The following KCNK10 variants were observed in gnomAD, a reference collection of about 807,000 sequenced individuals.
KCNK10 encodes potassium two pore domain channel subfamily K member 10, also known as potassium channel subfamily K member 10.
Under a neutral mutation model 47.7 loss-of-function variants are expected in KCNK10, and 25 were observed. The observed-to-expected ratio is 0.52, with a 90% CI of 0.38 to 0.73. KCNK10 has a LOEUF of 0.73. KCNK10 is among the 30% of genes least tolerant of loss of function. The pLI, the probability that KCNK10 is intolerant of heterozygous loss-of-function variation, is 0.00. For synonymous variants in KCNK10, 303 were observed against 285.6 expected, an observed-to-expected ratio of 1.06 and a Z score of -0.61; for missense variants, 563 against 714.5, an observed-to-expected ratio of 0.79 and a Z score of 2.42.
At chr14:88,235,186 C>T (rs917376430) in intron 3 of KCNK10, 1 of 456,536 alleles carries the variant, frequency 2.2e-6, no homozygotes, top group Non-Finnish European at 4.4e-6. Context: ...GATGTGCTGT[C>T]TGGAAGGTGG....
chr14:88,197,408 C>T (rs1374050576), intron 4 of KCNK10, among the ~76,000 whole-genome samples: 1 of 151,404 alleles, frequency 6.6e-6, no homozygotes, highest in East Asian at 1.9e-4. Flanking sequence ...CCCAACTCTA[C>T]TAAAAAATAC....
intron 2 of KCNK10, among the ~76,000 whole-genome samples, chr14:88,258,735 C>A (rs1399619705): frequency 1.3e-5 from 2 of 152,144 alleles, no homozygotes; most frequent in Admixed American, 6.5e-5. Flanking sequence ...TAACAGCAAC[C>A]CATCTTTCTT....
At chr14:88,293,019 A>G (rs995209440) in intron 1 of KCNK10, among the ~76,000 whole-genome samples, 3 of 152,046 alleles carry the variant, frequency 2.0e-5, no homozygotes, top group African/African-American at 7.2e-5. Context: ...TTTTATTTCT[A>G]TTTTACTTGA....
At chr14:88,257,390 G>A (rs1886987072) in intron 2 of KCNK10, among the ~76,000 whole-genome samples, 1 of 152,156 alleles carries the variant, frequency 6.6e-6, no homozygotes, top group Admixed American at 6.5e-5. Context: ...CTCAGTTCAA[G>A]CCATTCTGAT....
upstream of KCNK10, among the ~76,000 whole-genome samples, chr14:88,326,245 G>A (rs186645419): frequency 1.7e-3 from 235 of 136,310 alleles, 1 homozygote; most frequent in Non-Finnish European, 2.0e-3. Flanking sequence ...TTCCCAAAAC[G>A]TGTCTGAAAT....
chr14:88,192,473 A>T, intron 4 of KCNK10, 63 bp from the exon 5 acceptor site: 4 of 1,418,992 alleles, frequency 2.8e-6, no homozygotes, highest in Non-Finnish European at 3.9e-6. Context: ...CAGGATATAG[A>T]TGCACAGAAA....
chr14:88,295,913 T>A (rs1200500739), intron 1 of KCNK10, among the ~76,000 whole-genome samples: 2 of 152,124 alleles, frequency 1.3e-5, no homozygotes, highest in Non-Finnish European at 2.9e-5. Context: ...GCACTTCTGC[T>A]CTTTGGGGGG....
At chr14:88,247,772 A>G (rs1231410937) in intron 2 of KCNK10, among the ~76,000 whole-genome samples, 3 of 152,336 alleles carry the variant, frequency 2.0e-5, no homozygotes, top group East Asian at 1.9e-4. Context: ...TCAATTCATT[A>G]GCCCCTTGGG....
intron 1 of KCNK10, among the ~76,000 whole-genome samples, chr14:88,278,244 C>T (rs779152666): frequency 6.6e-6 from 1 of 152,226 alleles, no homozygotes; most frequent in East Asian, 1.9e-4. Flanking sequence ...AGCTGCTATA[C>T]TGGTACAGAA....
In KCNK10 at chr14:88,249,833, T is replaced by C. The variant is rs1274957255; in HGVS notation, c.403-9013A>G. 2.0e-5 allele frequency among the ~76,000 whole-genome samples: 3 copies of C among 152,218 alleles called. No homozygotes were observed. In the East Asian group the frequency reaches 5.8e-4, roughly 29 times the overall value. On this transcript the variant is annotated intron_variant, in intron 2 of 6. Transcript: ENST00000319231. ...AATTAATACTGAACCTCAAGCTCCC[T>C]GAGGACAGGGTGGAGGCATCTTGCA...
At chr14:88,256,001 G>A (rs537067579) in intron 2 of KCNK10, among the ~76,000 whole-genome samples, 1 of 152,184 alleles carries the variant, frequency 6.6e-6, no homozygotes, top group Non-Finnish European at 1.5e-5. Flanking sequence ...TATTACACCA[G>A]CTCTGCAGGA....
intron 1 of KCNK10, among the ~76,000 whole-genome samples, chr14:88,271,795 G>C (rs1887411300): frequency 1.3e-5 from 2 of 152,010 alleles, no homozygotes. Context: ...CACCCCACAA[G>C]CTGGGGAGAG....
intron 3 of KCNK10, among the ~76,000 whole-genome samples, chr14:88,238,457 GC>G (rs1385152622): frequency 6.6e-6 from 1 of 152,144 alleles, no homozygotes; most frequent in Non-Finnish European, 1.5e-5. Context: ...GATCACTTGG[GC>G]CCAGAAGTTC....
At chr14:88,217,486 A>T (rs1885659508) in intron 4 of KCNK10, among the ~76,000 whole-genome samples, 1 of 152,220 alleles carries the variant, frequency 6.6e-6, no homozygotes, top group South Asian at 2.1e-4. Context: ...TACAATGCTG[A>T]AAATAATACC....
rs1021542647 is a variant in KCNK10 at position 88,295,615 on chromosome 14, G to A, written c.52+27132C>T. ...GCAGAGGTTGCAGTGGGCCGGGATCGTGCCATTGTACTCCAGCATGAGTGA... is the reference window on the plus strand; with the variant it reads ...GCAGAGGTTGCAGTGGGCCGGGATCATGCCATTGTACTCCAGCATGAGTGA... On this transcript the variant is annotated intron_variant, in intron 1 of 6. Transcript: ENST00000319231. Among the ~76,000 whole-genome samples, 19 of 152,204 alleles carry A rather than the reference G, an allele frequency of 1.2e-4. No homozygotes were observed. In the East Asian group the frequency reaches 3.3e-3, roughly 26 times the overall value.
chr14:88,223,692 T>A (rs1046845581), intron 4 of KCNK10, among the ~76,000 whole-genome samples: 4 of 152,200 alleles, frequency 2.6e-5, no homozygotes, highest in African/African-American at 9.6e-5. Flanking sequence ...CCCTCTTGGG[T>A]CTGTAAAAGG....
chr14:88,267,375 CTTTT>C (rs59088203), intron 1 of KCNK10, among the ~76,000 whole-genome samples: 1 of 145,046 alleles, frequency 6.9e-6, no homozygotes. Context: ...TTTTCTTTTT[CTTTT>C]TTTTTTTTTG....
At chr14:88,297,957 C>T (rs367900073) in intron 1 of KCNK10, among the ~76,000 whole-genome samples, 10 of 152,278 alleles carry the variant, frequency 6.6e-5, no homozygotes, top group African/African-American at 2.4e-4. Context: ...CAAAGCTGCT[C>T]GTTATGCGTT....
chr14:88,186,076 C>G lies in KCNK10; in HGVS notation c.1091G>C (p.Ser364Thr). 6.2e-7 allele frequency: 1 copy of G among 1,612,290 alleles called. No individual in the cohort carries two copies. Among genetic ancestry groups the G allele is most frequent in the Non-Finnish European group, 8.5e-7 (1 of 1,179,864 alleles). The change falls in exon 7 of 7, where the codon AGC (serine) becomes ACC (threonine). Residue 364 changes from serine (S) to threonine (T), a missense_variant. Ser to Thr is a moderately conservative substitution (Grantham distance 58). Transcript: ENST00000319231. The surrounding 1 kb of genome is among the most constrained non-coding windows in gnomAD (Gnocchi z 5.5). The part of the protein sequence containing the change: ...AEFRETRRRL[S>T]VEIHDKLQRA... ...CTGCAGCTTATCGTGGATCTCCACG[C>G]TGAGCCTTCGCCGTGTCTCCCGGAA...
Sources: allele counts gnomAD v4.1 joint callset (sites outside exome capture counted in the v4.1 genomes callset), GRCh38; gene constraint gnomAD v4.1.1; non-coding constraint Gnocchi (gnomAD v3.1); transcripts MANE v1.5; gene names NCBI Gene and HGNC (gene_info 2026-07-23, HGNC 2026-07-21).